PGCKA1: variants seen among roughly 807,000 people sequenced by gnomAD.
PGCKA1 encodes PDCD10 and GCKIII kinases associated 1.
chr4:37,473,466 T>C, the PGCKA1 span, among the ~76,000 whole-genome samples: 2 of 152,336 alleles, frequency 1.3e-5, no homozygotes, highest in East Asian at 3.9e-4. Context: ...AAATGTTTAA[T>C]GTCTACTACT....
chr4:37,469,320 A>T, the PGCKA1 span, among the ~76,000 whole-genome samples: 1 of 152,264 alleles, frequency 6.6e-6, no homozygotes, highest in Non-Finnish European at 1.5e-5. Flanking sequence ...TTTTCTCCTC[A>T]GTCAGCTGTA....
At chr4:37,476,085 G>A in the PGCKA1 span, among the ~76,000 whole-genome samples, 1 of 151,194 alleles carries the variant, frequency 6.6e-6, no homozygotes, top group African/African-American at 2.4e-5. Context: ...GCTCTATTTT[G>A]ATTTTGCTAA....
chr4:37,551,421 A>G, the PGCKA1 span, among the ~76,000 whole-genome samples: 2 of 152,216 alleles, frequency 1.3e-5, no homozygotes, highest in East Asian at 1.9e-4. Context: ...TACATGCTCA[A>G]CAGAATCATA....
chr4:37,581,464 T>G, the PGCKA1 span, among the ~76,000 whole-genome samples: 1 of 152,176 alleles, frequency 6.6e-6, no homozygotes, highest in African/African-American at 2.4e-5. The surrounding 1 kb of genome is among the most constrained non-coding windows in gnomAD (Gnocchi z 4.4). Flanking sequence ...GTGATGGGTC[T>G]TGCCAGGACT....
chr4:37,506,456 T>G, the PGCKA1 span, among the ~76,000 whole-genome samples: 1 of 152,158 alleles, frequency 6.6e-6, no homozygotes, highest in African/African-American at 2.4e-5. Flanking sequence ...CCTATAGCTT[T>G]TGGTCTGTTG....
At chr4:37,521,779 G>A in the PGCKA1 span, among the ~76,000 whole-genome samples, 6 of 152,244 alleles carry the variant, frequency 3.9e-5, no homozygotes, top group East Asian at 3.9e-4. Context: ...TGCTGAAAGC[G>A]GGATGTTGAA....
the PGCKA1 span, among the ~76,000 whole-genome samples, chr4:37,558,401 C>T: frequency 6.6e-6 from 1 of 152,124 alleles, no homozygotes; most frequent in Non-Finnish European, 1.5e-5. Flanking sequence ...CCCGTAATGT[C>T]CATGCCTCAG....
At chr4:37,563,349 G>A in the PGCKA1 span, among the ~76,000 whole-genome samples, 2 of 152,106 alleles carry the variant, frequency 1.3e-5, no homozygotes, top group South Asian at 2.1e-4. Flanking sequence ...TGCAGATGCC[G>A]CCTTCTCACT....
At chr4:37,463,099 C>G in the PGCKA1 span, among the ~76,000 whole-genome samples, 21 of 152,016 alleles carry the variant, frequency 1.4e-4, no homozygotes, top group African/African-American at 5.1e-4. Flanking sequence ...AAAGGATCTC[C>G]CATAAGTTGG....
At chr4:37,509,967 G>A in the PGCKA1 span, among the ~76,000 whole-genome samples, 2 of 134,374 alleles carry the variant, frequency 1.5e-5, no homozygotes, top group Middle Eastern at 4.0e-3. Flanking sequence ...GAGAGGGAGC[G>A]GGAGACCGTG....
chr4:37,509,240 C>T, the PGCKA1 span, among the ~76,000 whole-genome samples: 1 of 105,708 alleles, frequency 9.5e-6, no homozygotes, highest in African/African-American at 4.1e-5. Context: ...CTCCTCACTT[C>T]CCAGAAGGGG....
chr4:37,512,014 GGAGT>G, the PGCKA1 span, among the ~76,000 whole-genome samples: 1 of 152,190 alleles, frequency 6.6e-6, no homozygotes, highest in Non-Finnish European at 1.5e-5. Context: ...CACTCTGACA[GGAGT>G]GAGTTCAGTG....
the PGCKA1 span, among the ~76,000 whole-genome samples, chr4:37,521,711 G>C: frequency 6.6e-6 from 1 of 152,184 alleles, no homozygotes; most frequent in East Asian, 1.9e-4. Flanking sequence ...ATTTGGTCTA[G>C]AGTGCAGAAT....
chr4:37,520,571 T>C, the PGCKA1 span, among the ~76,000 whole-genome samples: 1 of 152,058 alleles, frequency 6.6e-6, no homozygotes, highest in East Asian at 1.9e-4. Flanking sequence ...GTAGCCACTA[T>C]TGAACCTTTG....
At chr4:37,552,176 A>G in the PGCKA1 span, among the ~76,000 whole-genome samples, 1 of 152,222 alleles carries the variant, frequency 6.6e-6, no homozygotes, top group Non-Finnish European at 1.5e-5. Flanking sequence ...AATGTTACCC[A>G]TAGATTTCAG....
the PGCKA1 span, among the ~76,000 whole-genome samples, chr4:37,474,968 T>C: frequency 1.3e-5 from 2 of 152,188 alleles, no homozygotes; most frequent in Admixed American, 1.3e-4. Flanking sequence ...CATTTCCTTA[T>C]AAAAGACTTC....
chr4:37,580,249 T>G, the PGCKA1 span, among the ~76,000 whole-genome samples: 1 of 152,128 alleles, frequency 6.6e-6, no homozygotes, highest in Non-Finnish European at 1.5e-5. Flanking sequence ...AAGTCATATA[T>G]CTCTGTTTCT....
chr4:37,478,569 C>A, the PGCKA1 span, among the ~76,000 whole-genome samples: 1 of 152,172 alleles, frequency 6.6e-6, no homozygotes, highest in African/African-American at 2.4e-5. Flanking sequence ...GTAAATATAA[C>A]TCAGATAAAG....
chr4:37,506,382 T>C, the PGCKA1 span, among the ~76,000 whole-genome samples: 1 of 152,260 alleles, frequency 6.6e-6, no homozygotes, highest in East Asian at 1.9e-4. Flanking sequence ...TTGATGTTTT[T>C]CTTTTTTGTT....
Sources: gnomAD v4.1 joint callset for allele counts (sites outside exome capture counted in the v4.1 genomes callset) on GRCh38, gnomAD v4.1.1 for gene constraint, Gnocchi (gnomAD v3.1) non-coding constraint, MANE v1.5 for transcripts, NCBI Gene and HGNC (gene_info 2026-07-23, HGNC 2026-07-21) for gene names.